Variants in ITPKB observed in about 807,000 individuals in gnomAD.
ITPKB encodes the protein inositol-trisphosphate 3-kinase B, also known as IP3 3-kinase B.
A neutral mutation model predicts 69.4 loss-of-function variants in ITPKB; 13 were observed. The ratio of observed to expected loss-of-function variants is 0.19; its 90% CI spans 0.12 to 0.30. The LOEUF is 0.30. Among genes scored for constraint, ITPKB ranks in the 10% least tolerant of loss-of-function variants. The pLI is 1.00. For missense variants in ITPKB, 1,240 were observed against 1,250.5 expected (o/e 0.99, Z 0.13); for synonymous variants, 584 against 513.7 (o/e 1.14, Z -1.85).
At chr1:226,701,831 A>T (rs1171005899) in intron 2 of ITPKB, among the ~76,000 whole-genome samples, 2 of 152,116 alleles carry the variant, frequency 1.3e-5, no homozygotes, top group Non-Finnish European at 2.9e-5. Context: ...TGCAGATGTC[A>T]TGATGACTGA....
At chr1:226,693,466 C>T (rs916229220) in intron 2 of ITPKB, among the ~76,000 whole-genome samples, 3 of 152,170 alleles carry the variant, frequency 2.0e-5, no homozygotes, top group Non-Finnish European at 2.9e-5. Flanking sequence ...CACTGCCTGT[C>T]CCCCTACTGA....
At chr1:226,726,891 T>C (rs1657436690) in intron 2 of ITPKB, among the ~76,000 whole-genome samples, 1 of 152,132 alleles carries the variant, frequency 6.6e-6, no homozygotes, top group Non-Finnish European at 1.5e-5. Context: ...GCAATCTGGG[T>C]CTCAGGATTA....
At chr1:226,691,719 C>T (rs1042949927) in intron 2 of ITPKB, among the ~76,000 whole-genome samples, 5 of 152,322 alleles carry the variant, frequency 3.3e-5, no homozygotes, top group Admixed American at 3.3e-4. Context: ...AATAACAATG[C>T]TGTAATGCCA....
In ITPKB at chr1:226,688,632, GCCA is replaced by G. The variant is rs1275062182; in HGVS notation, c.1933-39864_1933-39862del. Among the ~76,000 whole-genome samples, 12 of 152,354 alleles carry G rather than the reference GCCA, an allele frequency of 7.9e-5. No homozygotes were observed. In the South Asian group the frequency reaches 2.3e-3, roughly 29 times the overall value. On this transcript the variant is annotated intron_variant, in intron 2 of 7. Transcript: ENST00000429204. ...GGGCTGCCCAGACCACAGAGCTGCT[GCCA>G]CAGTCAGCTGTGCCAGAGCAGCCTG...
At chr1:226,675,568 G>C (rs1468858468) in intron 2 of ITPKB, among the ~76,000 whole-genome samples, 1 of 152,220 alleles carries the variant, frequency 6.6e-6, no homozygotes. Flanking sequence ...GCTGGGCCCA[G>C]TGAGGGTCAG....
rs1657802772 is a variant in ITPKB, at chr1:226,737,032, C to T, written c.427G>A (p.Val143Met). 6.2e-7 allele frequency: 1 copy of T among 1,612,424 alleles called. No individual in the cohort carries two copies. Among genetic ancestry groups the T allele is most frequent in the Admixed American group, 1.7e-5 (1 of 60,014 alleles). Residue 143 changes from valine to methionine, a missense_variant, in exon 2 of 8, where the codon GTG (valine) becomes ATG (methionine). Coordinates refer to ENST00000429204, the MANE Select transcript of ITPKB (RefSeq NM_002221.4). ...ILQRELQNVQ[V>M]NQKVGMFEAH... ...TCAAACATGCCCACTTTCTGGTTCA[C>T]CTGCACGTTCTGCAACTCGCGCTGC...
intron 2 of ITPKB, among the ~76,000 whole-genome samples, chr1:226,649,480 A>G (rs1571839369): frequency 6.9e-6 from 1 of 145,578 alleles, no homozygotes; most frequent in East Asian, 2.0e-4. Context: ...GTATGTGCAT[A>G]TGTGTGCATC....
intron 2 of ITPKB, chr1:226,659,632 T>A (rs1369899302): frequency 6.6e-6 from 1 of 151,796 alleles, no homozygotes; most frequent in Non-Finnish European, 1.5e-5. Context: ...ACGCCACTCC[T>A]GGAATCCTCC....
intron 2 of ITPKB, among the ~76,000 whole-genome samples, chr1:226,658,669 T>C (rs1365585666): frequency 6.6e-6 from 1 of 152,186 alleles, no homozygotes; most frequent in Non-Finnish European, 1.5e-5. Context: ...CCGTGTGATG[T>C]TCCCGCAGGC....
rs1571884201 is a variant in ITPKB at position 226,736,740 on chromosome 1, C to A, written c.719G>T (p.Arg240Leu). 12 of 1,612,788 alleles carry A rather than the reference C, an allele frequency of 7.4e-6. No individual in the cohort carries two copies. In the East Asian group the frequency reaches 2.5e-4, roughly 33 times the overall value. Residue 240 changes from arginine (R) to leucine (L), a missense_variant, in exon 2 of 8, where the codon CGG becomes CTG. Transcript: ENST00000429204. ...VKKGMPPLPG[R>L]AAPTGSEAQG... ...AGCCTCTGATCCTGTAGGGGCAGCC[C>A]GGCCGGGAAGAGGTGGCATTCCTTT...
At chr1:226,712,472 C>T (rs1656986309) in intron 2 of ITPKB, among the ~76,000 whole-genome samples, 1 of 152,220 alleles carries the variant, frequency 6.6e-6, no homozygotes, top group Non-Finnish European at 1.5e-5. Context: ...GCCTTCTTTA[C>T]TCAAATTCCC....
intron 2 of ITPKB, among the ~76,000 whole-genome samples, chr1:226,682,032 A>G (rs1656104101): frequency 6.6e-6 from 1 of 152,264 alleles, no homozygotes; most frequent in Non-Finnish European, 1.5e-5. Flanking sequence ...ATCCCCAGGC[A>G]GCTGCCACCA....
chr1:226,693,064 G>A (rs1203033837), intron 2 of ITPKB, among the ~76,000 whole-genome samples: 1 of 152,240 alleles, frequency 6.6e-6, no homozygotes, highest in East Asian at 1.9e-4. Flanking sequence ...AGGCAGGCAT[G>A]TGAGCCGTGG....
intron 5 of ITPKB, 71 bp from the exon 6 acceptor site, chr1:226,639,729 C>G: frequency 9.9e-7 from 1 of 1,013,298 alleles, no homozygotes; most frequent in Admixed American, 1.8e-5. Context: ...TCTCACCCAC[C>G]CAACACCACA....
In ITPKB at chr1:226,655,749, C is replaced by A. The variant is rs3754389; in HGVS notation, c.1933-6978G>T. 3.3e-5 allele frequency among the ~76,000 whole-genome samples: 5 copies of A among 152,354 alleles called. No homozygotes were observed. In the East Asian group the frequency reaches 9.6e-4, roughly 29 times the overall value. ...CCACATGCCCCCTGGGGTCTGCTTC[C>A]TGTCTTCTTTCCAGCCAATTCCCGC... On this transcript the variant is annotated intron_variant, in intron 2 of 7. Coordinates refer to ENST00000429204, the MANE Select transcript of ITPKB (RefSeq NM_002221.4).
intron 2 of ITPKB, among the ~76,000 whole-genome samples, chr1:226,682,353 G>C (rs563222549): frequency 1.3e-5 from 2 of 152,214 alleles, no homozygotes; most frequent in Non-Finnish European, 2.9e-5. Context: ...GGGTTCTTGA[G>C]AACAGAGAAT....
intron 2 of ITPKB, among the ~76,000 whole-genome samples, chr1:226,710,127 G>A (rs989686697): frequency 2.0e-5 from 3 of 152,180 alleles, no homozygotes; most frequent in Non-Finnish European, 1.5e-5. Flanking sequence ...AGAAGGTGCC[G>A]TGCTAACAGG....
rs1668954940 is a variant in ITPKB at position 226,641,242 on chromosome 1, G to A, written c.2451+679C>T. On this transcript the variant is annotated intron_variant, in intron 5 of 7. Coordinates refer to ENST00000429204, the MANE Select transcript of ITPKB (RefSeq NM_002221.4). The surrounding 1 kb of genome is among the most constrained non-coding windows in gnomAD (Gnocchi z 4.6). Reference sequence around the variant, plus strand: ...CAACATTTGAACATAATCATGTATAGGAAGCTTCTGTGTGCCCATAGCCAG... The same window carrying A: ...CAACATTTGAACATAATCATGTATAAGAAGCTTCTGTGTGCCCATAGCCAG... Among the ~76,000 whole-genome samples the A allele has an allele frequency of 6.6e-6, 1 of 152,212 alleles. No homozygotes were observed.
In ITPKB at chr1:226,735,985, G is replaced by A; in HGVS notation, c.1474C>T (p.Gln492Ter). 1 of 1,613,952 alleles carries A rather than the reference G, an allele frequency of 6.2e-7. No homozygotes were observed. The highest frequency in any genetic ancestry group is 8.5e-7 in the Non-Finnish European group (1 of 1,180,008). The part of the protein sequence containing the change: ...WDAAKDLKEP[Q>*]CPPGDRVGVQ... ...CCCACCCTGTCCCCAGGAGGGCACT[G>A]AGGTTCTTTCAGATCTTTCGCAGCG... Residue 492 changes from glutamine to a stop codon, truncating the protein, a stop_gained, in exon 2 of 8, where the codon CAG (glutamine) becomes TAG (stop). Transcript: ENST00000429204. LOFTEE classifies it high-confidence loss of function.
Sources: allele counts gnomAD v4.1 joint callset (sites outside exome capture counted in the v4.1 genomes callset), GRCh38; gene constraint gnomAD v4.1.1; non-coding constraint Gnocchi (gnomAD v3.1); transcripts MANE v1.5; gene names NCBI Gene and HGNC (gene_info 2026-07-23, HGNC 2026-07-21).